The following THSD7B variants were observed in gnomAD, a reference collection of about 807,000 sequenced individuals.
The protein encoded by THSD7B is thrombospondin type-1 domain-containing protein 7B.
THSD7B carries 138 observed loss-of-function variants against 213.6 expected under a neutral mutation model. The observed-to-expected ratio is 0.65, with a 90% CI of 0.56 to 0.74. The LOEUF (loss-of-function observed/expected upper bound fraction) is 0.74. Ranked by LOEUF, THSD7B falls within the 30% of genes least tolerant of loss-of-function variation. THSD7B has a pLI of 0.00. For missense variants in THSD7B, 1,931 were observed against 1,991.5 expected, an observed-to-expected ratio of 0.97 and a Z score of 0.58; for synonymous variants, 742 against 687.0, an observed-to-expected ratio of 1.08 and a Z score of -1.25.
At position 137,676,638 on chromosome 2, in the gene THSD7B, T is replaced by C. The variant is rs1211851420; in HGVS notation, c.*33T>C. 3 of 1,516,604 alleles carry C rather than the reference T, an allele frequency of 2.0e-6. No individual in the cohort carries two copies. Among genetic ancestry groups the C allele is most frequent in the African/African-American group, 1.4e-5 (1 of 70,694 alleles). 93.9% of individuals were successfully genotyped at this position (1,516,604 alleles called of 1,614,324 possible). A position where few individuals can be genotyped will look rare whatever the true frequency, so the allele number is the denominator to read the frequency against. On this transcript the variant is annotated 3_prime_UTR_variant, in exon 28 of 28. Transcript: ENST00000409968. Reference sequence around the variant, plus strand: ...AAGAAATCCAAATGTAGACATCAACTGCCTTAACCGCTTTCTCTTTTGTAG... The same window carrying C: ...AAGAAATCCAAATGTAGACATCAACCGCCTTAACCGCTTTCTCTTTTGTAG...
intron 3 of THSD7B, among the ~76,000 whole-genome samples, chr2:137,070,806 T>A (rs1198138297): frequency 6.6e-6 from 1 of 151,850 alleles, no homozygotes; most frequent in South Asian, 2.1e-4. Flanking sequence ...CGTGAGAACA[T>A]GCGGTGTTTG....
intron 12 of THSD7B, among the ~76,000 whole-genome samples, chr2:137,388,052 C>T (rs746397820): frequency 2.6e-5 from 4 of 152,146 alleles, no homozygotes; most frequent in Non-Finnish European, 5.9e-5. Flanking sequence ...GTAAGAGAGA[C>T]TCTAGTAATA....
intron 1 of THSD7B, among the ~76,000 whole-genome samples, chr2:136,819,337 G>A (rs1682533729): frequency 6.6e-6 from 1 of 152,102 alleles, no homozygotes; most frequent in South Asian, 2.1e-4. Context: ...GACCTTTGGA[G>A]AATTGTCCCC....
chr2:137,425,965 A>G (rs1687045716), intron 14 of THSD7B, among the ~76,000 whole-genome samples: 1 of 152,214 alleles, frequency 6.6e-6, no homozygotes, highest in African/African-American at 2.4e-5. Context: ...GATAGAACTA[A>G]TAAATGAATT....
intron 12 of THSD7B, among the ~76,000 whole-genome samples, chr2:137,326,398 C>G (rs1684375285): frequency 6.6e-6 from 1 of 152,136 alleles, no homozygotes; most frequent in South Asian, 2.1e-4. Context: ...GCAGTTACCA[C>G]AAAAGTTCTT....
intron 2 of THSD7B, among the ~76,000 whole-genome samples, chr2:137,043,633 G>T (rs931757738): frequency 1.3e-5 from 2 of 152,150 alleles, no homozygotes; most frequent in African/African-American, 4.8e-5. Context: ...CCTTACCTCA[G>T]AAATACCCAA....
At chr2:137,457,308 C>T (rs1469166551) in intron 15 of THSD7B, among the ~76,000 whole-genome samples, 3 of 152,158 alleles carry the variant, frequency 2.0e-5, no homozygotes, top group Non-Finnish European at 4.4e-5. Flanking sequence ...TGCATTGCAT[C>T]CAAACTCAGT....
chr2:137,214,762 G>A (rs6717080), intron 7 of THSD7B, among the ~76,000 whole-genome samples: 5,631 of 152,148 alleles, frequency 0.037, 371 homozygotes, highest in African/African-American at 0.13. Context: ...GGACATGAGC[G>A]CATCCTTTTT....
intron 7 of THSD7B, among the ~76,000 whole-genome samples, chr2:137,224,730 G>A (rs1013915787): frequency 1.3e-5 from 2 of 152,100 alleles, no homozygotes; most frequent in Non-Finnish European, 2.9e-5. Flanking sequence ...GGAGTGCAGT[G>A]GCGCGATCTC....
intron 15 of THSD7B, among the ~76,000 whole-genome samples, chr2:137,524,189 A>T (rs1290937877): frequency 6.6e-6 from 1 of 152,140 alleles, no homozygotes; most frequent in Non-Finnish European, 1.5e-5. Context: ...GCCTTGTGGT[A>T]TAAATAAGAT....
At chr2:137,161,800 A>G (rs981692687) in intron 6 of THSD7B, among the ~76,000 whole-genome samples, 8 of 152,178 alleles carry the variant, frequency 5.3e-5, no homozygotes, top group Admixed American at 1.3e-4. Context: ...CTACACATAT[A>G]TAGTCAGTTG....
At chr2:137,558,124 T>C (rs1303225349) in intron 15 of THSD7B, among the ~76,000 whole-genome samples, 1 of 152,216 alleles carries the variant, frequency 6.6e-6, no homozygotes, top group Admixed American at 6.5e-5. Flanking sequence ...AGCCGAATTC[T>C]ACCAGAGGTA....
At chr2:137,146,114 A>G (rs1003234070) in intron 5 of THSD7B, among the ~76,000 whole-genome samples, 10 of 152,288 alleles carry the variant, frequency 6.6e-5, no homozygotes, top group Middle Eastern at 3.4e-3. Context: ...AATTCATAAA[A>G]TTCTACAGCA....
chr2:136,893,305 T>C (rs1047228096), intron 2 of THSD7B, among the ~76,000 whole-genome samples: 5 of 152,220 alleles, frequency 3.3e-5, no homozygotes, highest in Admixed American at 6.5e-5. Flanking sequence ...GGGAGTTGAA[T>C]TGAGATACTG....
chr2:137,666,239 A>C (rs992195516), intron 26 of THSD7B, among the ~76,000 whole-genome samples: 2 of 152,064 alleles, frequency 1.3e-5, no homozygotes, highest in Non-Finnish European at 2.9e-5. Flanking sequence ...ATAAGTTGTT[A>C]TGGATTATAA....
At chr2:136,977,273 G>A (rs1188006404) in intron 2 of THSD7B, among the ~76,000 whole-genome samples, 1 of 152,130 alleles carries the variant, frequency 6.6e-6, no homozygotes, top group Admixed American at 6.5e-5. Flanking sequence ...TACTTCTGTG[G>A]GGTCAGTGGT....
intron 21 of THSD7B, among the ~76,000 whole-genome samples, chr2:137,650,900 A>G (rs1023031110): frequency 1.3e-5 from 2 of 152,186 alleles, no homozygotes; most frequent in African/African-American, 2.4e-5. Flanking sequence ...AGGGTGTACC[A>G]TCCTTACATT....
At chr2:137,666,778 C>T (rs181378072) in intron 26 of THSD7B, among the ~76,000 whole-genome samples, 1 of 151,738 alleles carries the variant, frequency 6.6e-6, no homozygotes, top group Non-Finnish European at 1.5e-5. Context: ...GTTTCTATCA[C>T]ATGTAGAAAA....
At chr2:137,004,384 C>G (rs1382674260) in intron 2 of THSD7B, among the ~76,000 whole-genome samples, 1 of 151,090 alleles carries the variant, frequency 6.6e-6, no homozygotes, top group Non-Finnish European at 1.5e-5. Context: ...GGTTATGTGA[C>G]TACAGCTATT....
Sources: gnomAD v4.1 joint callset for allele counts (sites outside exome capture counted in the v4.1 genomes callset) on GRCh38, gnomAD v4.1.1 for gene constraint, MANE v1.5 for transcripts, NCBI Gene and HGNC (gene_info 2026-07-23, HGNC 2026-07-21) for gene names.